SNX16: variants seen among roughly 807,000 people sequenced by gnomAD.
SNX16 encodes sorting nexin-16.
SNX16 carries 35 observed loss-of-function variants against 36.7 expected under a neutral mutation model. That is an observed-to-expected ratio of 0.95 (90% CI 0.73 to 1.27). The LOEUF is 1.27. Ranked by LOEUF, SNX16 falls within the 50% of genes most tolerant of loss-of-function variation. SNX16 has a pLI of 0.00. For synonymous variants in SNX16, 134 were observed against 132.0 expected (o/e 1.02, Z -0.10); for missense variants, 367 against 393.6 (o/e 0.93, Z 0.57).
In SNX16 at chr8:81,839,827, G is replaced by A; in HGVS notation, c.160C>T (p.Gln54Ter). ...TCCATTTGATCAGGAACACTTGTCT[G>A]TTTAAAATTACCCATATTTGAGTCT... ...LEDSNMGNFK[Q>*]TSVPDQMDNT... The change falls in exon 2 of 8, where the codon CAG becomes TAG. Residue 54 changes from glutamine (Q) to a stop codon, truncating the protein, a stop_gained. Transcript: ENST00000345957. LOFTEE classifies it high-confidence loss of function. 6.2e-7 allele frequency: 1 copy of A among 1,613,722 alleles called. No individual in the cohort carries two copies. Among genetic ancestry groups the A allele is most frequent in the Non-Finnish European group, 8.5e-7 (1 of 1,179,664 alleles).
intron 2 of SNX16, among the ~76,000 whole-genome samples, chr8:81,829,995 A>T (rs1811180931): frequency 6.6e-6 from 1 of 152,230 alleles, no homozygotes; most frequent in South Asian, 2.1e-4. Context: ...GCATCCAAAT[A>T]GGAAAAGAAG....
At chr8:81,831,954 A>G (rs1294855232) in intron 2 of SNX16, among the ~76,000 whole-genome samples, 1 of 152,196 alleles carries the variant, frequency 6.6e-6, no homozygotes, top group African/African-American at 2.4e-5. Context: ...GCACTTATAT[A>G]TTGCTGGTAG....
At chr8:81,808,169 T>C (rs2635487) in intron 5 of SNX16, 306,042 of 1,287,916 alleles carry the variant, frequency 0.24, 40,237 homozygotes, top group East Asian at 0.39. Context: ...AAAATGGAAG[T>C]GATTGAAATC....
chr8:81,809,577 T>C (rs1460143740), intron 5 of SNX16, among the ~76,000 whole-genome samples: 2 of 152,048 alleles, frequency 1.3e-5, no homozygotes, highest in Non-Finnish European at 2.9e-5. Context: ...GCAGCTACTA[T>C]GGAAGATGCC....
intron 5 of SNX16, among the ~76,000 whole-genome samples, chr8:81,806,218 T>C (rs552918112): frequency 6.6e-6 from 1 of 152,294 alleles, no homozygotes; most frequent in South Asian, 2.1e-4. Flanking sequence ...ACTGGTATAA[T>C]TTTGATGCCA....
intron 7 of SNX16, among the ~76,000 whole-genome samples, chr8:81,802,092 A>G (rs2029416): frequency 0.15 from 23,412 of 151,584 alleles, 2,366 homozygotes; most frequent in South Asian, 0.25. Context: ...CAATATTTAA[A>G]AAATTAGTTA....
At position 81,823,890 on chromosome 8, in the gene SNX16, C is replaced by T; in HGVS notation, c.513G>A (p.Trp171Ter). The T allele has an allele frequency of 6.2e-7, 1 of 1,611,784 alleles. No homozygotes were observed. Among genetic ancestry groups the T allele is most frequent in the South Asian group, 1.1e-5 (1 of 90,658 alleles). Residue 171 changes from tryptophan (W) to a stop codon, truncating the protein, a stop_gained, in exon 4 of 8, where the codon TGG becomes TGA. Transcript: ENST00000345957. LOFTEE classifies it high-confidence loss of function. ...AGTCAGCATTGTAATTATCTTTAAA[C>T]CAGCGTTTTGGAGGAAGTGCTAGTC... ...GFRLALPPKR[W>*]FKDNYNADFL...
intron 4 of SNX16, among the ~76,000 whole-genome samples, chr8:81,816,124 C>A (rs1367206526): frequency 1.3e-5 from 2 of 151,348 alleles, no homozygotes; most frequent in Non-Finnish European, 2.9e-5. Context: ...AAATGTGGAT[C>A]CTTATTTTAG....
At position 81,831,941 on chromosome 8, in the gene SNX16, A is replaced by G. The variant is rs1811290588; in HGVS notation, c.376-2425T>C. Among the ~76,000 whole-genome samples the G allele has an allele frequency of 2.6e-5, 4 of 152,304 alleles. No individual in the cohort carries two copies. In the South Asian group the frequency reaches 8.3e-4, roughly 32 times the overall value. On this transcript the variant is annotated intron_variant, in intron 2 of 7. Transcript: ENST00000345957. ...ATGCTGGTGATGTTATGGAGAAAAG[A>G]GAGCACTTATATATTGCTGGTAGAA...
intron 2 of SNX16, among the ~76,000 whole-genome samples, chr8:81,829,830 T>C (rs1371226488): frequency 2.0e-5 from 3 of 152,142 alleles, no homozygotes; most frequent in Non-Finnish European, 4.4e-5. Context: ...AAAATTATAC[T>C]TGAAGAAGCT....
chr8:81,807,915 T>C (rs1384895326), intron 5 of SNX16: 14 of 769,410 alleles, frequency 1.8e-5, no homozygotes, highest in Non-Finnish European at 3.1e-5. Context: ...TAATGAGAAA[T>C]CCAAACACCA....
intron 6 of SNX16, 62 bp from the exon 7 acceptor site, chr8:81,802,561 TGTGAATACA>T: frequency 6.9e-7 from 1 of 1,441,416 alleles, no homozygotes; most frequent in Non-Finnish European, 9.5e-7. Flanking sequence ...TGTTTAATGT[TGTGAATACA>T]GGTAGCTATA....
At chr8:81,817,863 T>G (rs1810563172) in intron 4 of SNX16, among the ~76,000 whole-genome samples, 1 of 152,170 alleles carries the variant, frequency 6.6e-6, no homozygotes, top group Non-Finnish European at 1.5e-5. Context: ...CAGTGAATAT[T>G]TATTGACTGT....
Position 81,840,004 on chromosome 8 carries a change from A to G in SNX16, c.-18T>C, listed in dbSNP as rs1413007854. The G allele has an allele frequency of 6.3e-7, 1 of 1,576,400 alleles. No individual in the cohort carries two copies. The highest frequency in any genetic ancestry group is 1.2e-5 in the South Asian group (1 of 84,756). ...GTTGCCATCTTCTTTTGGCTTTTCC[A>G]ACAAGCTTGCACACTGTTGAGTCCA... is the stretch of plus-strand genomic sequence containing the variant. On this transcript the variant is annotated 5_prime_UTR_variant, in exon 2 of 8. Coordinates refer to ENST00000345957, the MANE Select transcript of SNX16 (RefSeq NM_152836.3).
intron 2 of SNX16, among the ~76,000 whole-genome samples, chr8:81,833,428 CATCT>C (rs914860333): frequency 5.9e-5 from 9 of 151,536 alleles, no homozygotes; most frequent in Non-Finnish European, 1.0e-4. Flanking sequence ...ATCTTTGTAA[CATCT>C]AAGGGTGGGA....
chr8:81,823,443 A>G (rs1161482943), intron 4 of SNX16, among the ~76,000 whole-genome samples: 3 of 152,082 alleles, frequency 2.0e-5, no homozygotes, highest in Non-Finnish European at 4.4e-5. Flanking sequence ...TTACAATTAC[A>G]TAGTATCATA....
chr8:81,812,536 A>T (rs1211498044), intron 5 of SNX16, among the ~76,000 whole-genome samples: 1 of 152,060 alleles, frequency 6.6e-6, no homozygotes, highest in African/African-American at 2.4e-5. Flanking sequence ...GTGCTGGAAG[A>T]AAAAAATCTG....
intron 2 of SNX16, among the ~76,000 whole-genome samples, chr8:81,830,022 T>C (rs143220752): frequency 2.9e-4 from 44 of 152,340 alleles, no homozygotes; most frequent in African/African-American, 9.9e-4. Context: ...AACTATGTGA[T>C]TCTATGCCTA....
At chr8:81,826,632 C>T (rs1448769170) in intron 3 of SNX16, among the ~76,000 whole-genome samples, 1 of 152,176 alleles carries the variant, frequency 6.6e-6, no homozygotes, top group African/African-American at 2.4e-5. Context: ...ACTTTGTCCT[C>T]TGACTTCCTC....
Sources: allele counts gnomAD v4.1 joint callset (sites outside exome capture counted in the v4.1 genomes callset), GRCh38; gene constraint gnomAD v4.1.1; transcripts MANE v1.5; gene names NCBI Gene and HGNC (gene_info 2026-07-23, HGNC 2026-07-21).